Variants in OPCML observed in about 807,000 individuals in gnomAD.
OPCML encodes the protein opioid binding protein/cell adhesion molecule like.
OPCML carries 13 observed loss-of-function variants against 37.8 expected under a neutral mutation model. The observed-to-expected ratio is 0.34, with a 90% CI of 0.22 to 0.55. OPCML has a LOEUF of 0.55. OPCML is among the 20% of genes least tolerant of loss of function. OPCML has a pLI of 0.91. For missense variants in OPCML, 341 were observed against 435.6 expected (o/e 0.78, Z 1.93); for synonymous variants, 176 against 168.8 (o/e 1.04, Z -0.33).
intron 2 of OPCML, among the ~76,000 whole-genome samples, chr11:132,682,513 A>G (rs1425171495): frequency 6.6e-6 from 1 of 152,202 alleles, no homozygotes; most frequent in Non-Finnish European, 1.5e-5. Flanking sequence ...GTTAAGAGAG[A>G]ACAATCATCT....
intron 1 of OPCML, among the ~76,000 whole-genome samples, chr11:132,978,987 C>CA (rs1432533717): frequency 1.3e-5 from 2 of 152,146 alleles, no homozygotes; most frequent in African/African-American, 4.8e-5. Context: ...CCACATGTTT[C>CA]ACATCGCAAC....
At position 133,130,075 on chromosome 11, in the gene OPCML, C is replaced by T. The variant is rs568060985; in HGVS notation, c.62-187065G>A. Among the ~76,000 whole-genome samples the T allele has an allele frequency of 2.5e-4, 38 of 151,842 alleles. No homozygotes were observed. In the South Asian group the frequency reaches 7.7e-3, roughly 31 times the overall value. ...TTATTATAACTGTATTCCATACGTT[C>T]AAATAGTTAAGCAGAGACATGAAAA... On this transcript the variant is annotated intron_variant, in intron 1 of 7. Transcript: ENST00000524381.
At chr11:132,690,117 T>C (rs1943338331) in intron 2 of OPCML, among the ~76,000 whole-genome samples, 1 of 152,166 alleles carries the variant, frequency 6.6e-6, no homozygotes, top group African/African-American at 2.4e-5. Flanking sequence ...TCTTTTTCTT[T>C]TCTTTTTTGG....
intron 2 of OPCML, among the ~76,000 whole-genome samples, chr11:132,861,301 T>C (rs1285935395): frequency 2.6e-5 from 4 of 152,208 alleles, no homozygotes; most frequent in African/African-American, 7.2e-5. Flanking sequence ...GGCTTCTTCA[T>C]TTATTAGCTA....
At chr11:132,672,931 C>T (rs1482466436) in intron 2 of OPCML, among the ~76,000 whole-genome samples, 2 of 151,998 alleles carry the variant, frequency 1.3e-5, no homozygotes, top group South Asian at 2.1e-4. Flanking sequence ...GGTAAATGAA[C>T]ATGAGGAATG....
intron 1 of OPCML, among the ~76,000 whole-genome samples, chr11:132,987,242 A>G (rs999275634): frequency 1.1e-4 from 16 of 152,148 alleles, no homozygotes; most frequent in Non-Finnish European, 1.5e-4. Context: ...CCTTGACAAC[A>G]GTTTTGTAAG....
intron 1 of OPCML, among the ~76,000 whole-genome samples, chr11:133,070,470 C>T (rs1382629626): frequency 2.0e-5 from 3 of 152,172 alleles, no homozygotes; most frequent in Non-Finnish European, 4.4e-5. Context: ...TGAATGCTGA[C>T]TTCCACCCAG....
At chr11:132,506,184 G>A (rs140673341) in intron 4 of OPCML, among the ~76,000 whole-genome samples, 71 of 152,262 alleles carry the variant, frequency 4.7e-4, no homozygotes, top group African/African-American at 1.7e-3. Flanking sequence ...TACTCCAATT[G>A]CATTTGACAG....
intron 1 of OPCML, among the ~76,000 whole-genome samples, chr11:133,497,469 C>T (rs1947810194): frequency 6.6e-6 from 1 of 152,056 alleles, no homozygotes; most frequent in African/African-American, 2.4e-5. Context: ...CTCTGGTCCC[C>T]CCCGATTCAC....
chr11:133,442,984 T>A (rs1442713346), intron 1 of OPCML, among the ~76,000 whole-genome samples: 1 of 151,998 alleles, frequency 6.6e-6, no homozygotes, highest in East Asian at 1.9e-4. Context: ...ATTCTTTGAA[T>A]CTTTTTCAAG....
chr11:132,931,735 T>A (rs1945209317), intron 2 of OPCML, among the ~76,000 whole-genome samples: 1 of 152,260 alleles, frequency 6.6e-6, no homozygotes, highest in Admixed American at 6.5e-5. Context: ...TCTACCACTA[T>A]GAAAACTGCG....
intron 3 of OPCML, among the ~76,000 whole-genome samples, chr11:132,581,516 C>A (rs946601801): frequency 6.6e-6 from 1 of 152,116 alleles, no homozygotes; most frequent in Non-Finnish European, 1.5e-5. Flanking sequence ...ACATAGGTAA[C>A]AAAATTTGTT....
intron 1 of OPCML, among the ~76,000 whole-genome samples, chr11:133,338,055 A>G (rs2136663705): frequency 6.6e-6 from 1 of 152,080 alleles, no homozygotes; most frequent in African/African-American, 2.4e-5. Flanking sequence ...CTCATCCGTT[A>G]TGGGGGAAGG....
At chr11:133,178,933 C>G (rs75767225) in intron 1 of OPCML, among the ~76,000 whole-genome samples, 2,863 of 152,158 alleles carry the variant, frequency 0.019, 96 homozygotes, top group African/African-American at 0.065. Context: ...TGTTTTCACT[C>G]GCTGCCTCTA....
chr11:133,040,634 C>T (rs1947873429), intron 1 of OPCML, among the ~76,000 whole-genome samples: 1 of 152,114 alleles, frequency 6.6e-6, no homozygotes, highest in Non-Finnish European at 1.5e-5. Context: ...GTAGAAGTGG[C>T]AGGACATCGT....
chr11:132,741,951 C>T, intron 2 of OPCML, among the ~76,000 whole-genome samples: 1 of 151,910 alleles, frequency 6.6e-6, no homozygotes, highest in African/African-American at 2.4e-5. Context: ...ATCACTTGAA[C>T]CCGGGAGGTG....
intron 1 of OPCML, among the ~76,000 whole-genome samples, chr11:133,128,083 C>T (rs1715072706): frequency 6.6e-6 from 1 of 152,106 alleles, no homozygotes. Flanking sequence ...AGCTCCCCTC[C>T]TTGCTGTCCT....
intron 1 of OPCML, among the ~76,000 whole-genome samples, chr11:133,230,661 A>C (rs1940239470): frequency 6.6e-6 from 1 of 152,200 alleles, no homozygotes; most frequent in South Asian, 2.1e-4. Context: ...AATAAAAGGC[A>C]TCATAAAAGT....
At chr11:132,469,537 T>A (rs1226109862) in intron 4 of OPCML, among the ~76,000 whole-genome samples, 1 of 144,962 alleles carries the variant, frequency 6.9e-6, no homozygotes, top group Non-Finnish European at 1.5e-5. Context: ...TGTGTATGTA[T>A]GTGTGTGGGG....
Sources: gnomAD v4.1 joint callset for allele counts (sites outside exome capture counted in the v4.1 genomes callset) on GRCh38, gnomAD v4.1.1 for gene constraint, MANE v1.5 for transcripts, NCBI Gene and HGNC (gene_info 2026-07-23, HGNC 2026-07-21) for gene names.